Variants in RYR3 observed in about 807,000 individuals in gnomAD.
RYR3 encodes brain ryanodine receptor-calcium release channel.
Under a neutral mutation model 584.3 loss-of-function variants are expected in RYR3, and 207 were observed. The ratio of observed to expected loss-of-function variants is 0.35; its 90% CI spans 0.32 to 0.40. The LOEUF is 0.40. Among genes scored for constraint, RYR3 ranks in the 10% least tolerant of loss-of-function variants. RYR3 has a pLI of 1.00. For missense variants in RYR3, 5,616 were observed against 6,089.2 expected (o/e 0.92, Z 2.59); for synonymous variants, 2,416 against 2,248.5 (o/e 1.07, Z -2.11).
chr15:33,449,460 C>T (rs1037170610), intron 1 of RYR3, among the ~76,000 whole-genome samples: 20 of 152,092 alleles, frequency 1.3e-4, no homozygotes, highest in Non-Finnish European at 1.2e-4. Context: ...CCATACTCAC[C>T]GGGCAGGGAT....
chr15:33,791,370 AC>A, intron 67 of RYR3, among the ~76,000 whole-genome samples: 1 of 152,102 alleles, frequency 6.6e-6, no homozygotes, highest in Non-Finnish European at 1.5e-5. Flanking sequence ...TGACACACAC[AC>A]ACACACACAC....
At chr15:33,741,591 A>C (rs1567069691) in intron 51 of RYR3, among the ~76,000 whole-genome samples, 1 of 149,496 alleles carries the variant, frequency 6.7e-6, no homozygotes, top group Admixed American at 6.7e-5. Context: ...TGTACTGCCA[A>C]AATTCTAGTT....
Position 33,738,584 on chromosome 15 carries a change from C to A in RYR3, c.7650C>A (p.Ser2550=), listed in dbSNP as rs2069744634. The A allele has an allele frequency of 6.2e-7, 1 of 1,613,786 alleles. No individual in the cohort carries two copies. The highest frequency in any genetic ancestry group is 1.7e-5 in the Admixed American group (1 of 59,998). ...KLFWGIFDSL[S]HKKYDPDLFR... Reference sequence around the variant, plus strand: ...TCTGGGGGATTTTTGACTCGCTCTCCCATAAGGTAATGACAGTACTTTCTG... The same window carrying A: ...TCTGGGGGATTTTTGACTCGCTCTCACATAAGGTAATGACAGTACTTTCTG... The change falls in exon 50 of 104, where the codon TCC becomes TCA. Residue 2550 remains serine, a synonymous_variant. Coordinates refer to ENST00000634891, the MANE Select transcript of RYR3 (RefSeq NM_001036.6).
intron 82 of RYR3, 44 bp from the exon 83 acceptor site, chr15:33,826,208 C>T (rs1427961350): frequency 6.3e-7 from 1 of 1,593,440 alleles, no homozygotes; most frequent in East Asian, 2.2e-5. Flanking sequence ...ATGATGTTTA[C>T]AGTTTTCTTA....
chr15:33,693,099 G>A (rs1179418465), intron 38 of RYR3, among the ~76,000 whole-genome samples: 1 of 152,218 alleles, frequency 6.6e-6, no homozygotes, highest in East Asian at 1.9e-4. Context: ...TCAAGCCAAG[G>A]TATAGGTTTT....
At chr15:33,410,504 G>A (rs1336403918) in intron 1 of RYR3, among the ~76,000 whole-genome samples, 4 of 152,222 alleles carry the variant, frequency 2.6e-5, no homozygotes, top group African/African-American at 4.8e-5. Context: ...CCAGTCATCC[G>A]TAATAGATTT....
chr15:33,851,332 G>A (rs576331380), intron 94 of RYR3: 1 of 151,978 alleles, frequency 6.6e-6, no homozygotes, highest in South Asian at 2.1e-4. Context: ...CTATATTCGA[G>A]TTTCTTCTTC....
chr15:33,683,400 G>A (rs1234379254), intron 38 of RYR3, among the ~76,000 whole-genome samples: 1 of 152,174 alleles, frequency 6.6e-6, no homozygotes, highest in Admixed American at 6.5e-5. Context: ...GTATTTAGTT[G>A]TAACTCTTCT....
chr15:33,715,101 G>C (rs1247112819), intron 43 of RYR3, among the ~76,000 whole-genome samples: 2 of 152,206 alleles, frequency 1.3e-5, no homozygotes, highest in Non-Finnish European at 2.9e-5. Flanking sequence ...AGAGCATATG[G>C]ATAGACTGTT....
intron 10 of RYR3, among the ~76,000 whole-genome samples, chr15:33,552,433 T>C (rs2056753813): frequency 6.6e-6 from 1 of 152,176 alleles, no homozygotes; most frequent in Admixed American, 6.5e-5. Context: ...AAAGTCGTCA[T>C]GGTACCACGG....
At chr15:33,703,359 C>A (rs1021097856) in intron 42 of RYR3, among the ~76,000 whole-genome samples, 1 of 152,080 alleles carries the variant, frequency 6.6e-6, no homozygotes, top group African/African-American at 2.4e-5. Context: ...ACATAAACAT[C>A]GGAAATTTAT....
At chr15:33,389,144 G>T (rs1454295765) in intron 1 of RYR3, among the ~76,000 whole-genome samples, 1 of 151,604 alleles carries the variant, frequency 6.6e-6, no homozygotes, top group African/African-American at 2.4e-5. Context: ...GAGTTAATGG[G>T]TGCAGCACAC....
At chr15:33,472,746 A>G (rs1479755338) in intron 1 of RYR3, among the ~76,000 whole-genome samples, 1 of 152,090 alleles carries the variant, frequency 6.6e-6, no homozygotes, top group African/African-American at 2.4e-5. Flanking sequence ...TGGGATTGAT[A>G]TTTAGGAGGG....
chr15:33,647,523 C>A, intron 30 of RYR3, 63 bp downstream of exon 30: 2 of 1,179,072 alleles, frequency 1.7e-6, no homozygotes, highest in Non-Finnish European at 2.5e-6. Context: ...TGGTAATATG[C>A]CCCTTACAGC....
At chr15:33,796,872 T>C (rs2075656790) in intron 67 of RYR3, among the ~76,000 whole-genome samples, 2 of 152,208 alleles carry the variant, frequency 1.3e-5, no homozygotes, top group South Asian at 4.1e-4. Context: ...AATGGATGCC[T>C]GCATTTTTAA....
intron 64 of RYR3, among the ~76,000 whole-genome samples, chr15:33,779,158 A>G (rs369765185): frequency 6.6e-6 from 1 of 152,144 alleles, no homozygotes; most frequent in African/African-American, 2.4e-5. Context: ...TGCTGTCTGC[A>G]GATTCTATCA....
chr15:33,541,541 T>G (rs907605269), intron 7 of RYR3, among the ~76,000 whole-genome samples: 5 of 152,272 alleles, frequency 3.3e-5, no homozygotes, highest in African/African-American at 1.2e-4. Context: ...CTGAGAAGAA[T>G]AATCAAATGT....
intron 1 of RYR3, among the ~76,000 whole-genome samples, chr15:33,381,337 G>A (rs2041178070): frequency 2.0e-5 from 3 of 152,204 alleles, no homozygotes; most frequent in Admixed American, 2.0e-4. Context: ...CGAACCCCTG[G>A]AAAGGAAGTG....
intron 97 of RYR3, 23 bp downstream of exon 97, chr15:33,854,472 C>G: frequency 6.5e-7 from 1 of 1,543,426 alleles, no homozygotes; most frequent in South Asian, 1.2e-5. Flanking sequence ...CCTGGAAAAA[C>G]AAAATTCTAT....
Sources: allele counts gnomAD v4.1 joint callset (sites outside exome capture counted in the v4.1 genomes callset), GRCh38; gene constraint gnomAD v4.1.1; transcripts MANE v1.5; gene names NCBI Gene and HGNC (gene_info 2026-07-23, HGNC 2026-07-21).